Variants in SERHL2 observed in about 807,000 individuals in gnomAD.
The protein encoded by SERHL2 is serine hydrolase like 2, also known as serine hydrolase-like protein 2.
SERHL2 carries 29 observed loss-of-function variants against 25.5 expected under a neutral mutation model. The ratio of observed to expected loss-of-function variants is 1.14; its 90% confidence interval spans 0.85 to 1.55. The LOEUF is 1.55. Among genes scored for constraint, SERHL2 ranks in the 40% most tolerant of loss-of-function variants. The pLI, the probability that SERHL2 is intolerant of heterozygous loss-of-function variation, is 0.00. For synonymous variants in SERHL2, 95 were observed against 103.5 expected, an observed-to-expected ratio of 0.92 and a Z score of 0.50; for missense variants, 240 against 252.3, an observed-to-expected ratio of 0.95 and a Z score of 0.33.
intron 8 of SERHL2, among the ~76,000 whole-genome samples, chr22:42,565,516 A>G (rs899881194): frequency 6.6e-6 from 1 of 151,780 alleles, no homozygotes; most frequent in Non-Finnish European, 1.5e-5. Context: ...AGTAGAGACC[A>G]GGTTTAACCA....
chr22:42,571,449 G>C (rs529897170), intron 10 of SERHL2: 6 of 1,033,698 alleles, frequency 5.8e-6, no homozygotes, highest in Non-Finnish European at 7.6e-6. Context: ...AGGTGTCAGC[G>C]GGGGGCATGC....
chr22:42,567,849 G>T (rs995094799), intron 9 of SERHL2, among the ~76,000 whole-genome samples: 3 of 151,284 alleles, frequency 2.0e-5, no homozygotes, highest in African/African-American at 4.8e-5. Context: ...TCCTGTCTCA[G>T]CCCCCAAGTA....
chr22:42,559,628 A>G (rs1347450710), intron 7 of SERHL2, among the ~76,000 whole-genome samples: 1 of 151,706 alleles, frequency 6.6e-6, no homozygotes, highest in Admixed American at 6.6e-5. Flanking sequence ...GATGTAACGA[A>G]GAATGGCATG....
At chr22:42,569,820 T>G (rs1238201191) in intron 9 of SERHL2, 3 of 149,246 alleles carry the variant, frequency 2.0e-5, no homozygotes, top group Non-Finnish European at 4.4e-5. Flanking sequence ...TTCACTGGTG[T>G]GTGTGTGTTC....
At position 42,572,564 on chromosome 22, in the gene SERHL2, C is replaced by A. The variant is rs770851511; in HGVS notation, c.825+35C>A. 5 of 1,607,292 alleles carry A rather than the reference C, an allele frequency of 3.1e-6. No individual in the cohort carries two copies. The African/African-American group carries it at 6.7e-5, about 21-fold the overall frequency. The stretch of plus-strand genomic sequence containing the variant: ...GGCTCAGGCAGCTGGTGTCCAGCCA[C>A]TGTCGCCCACTCTGGTCCCACCTCA... On this transcript the variant is annotated intron_variant, in intron 11 of 11. Coordinates refer to ENST00000327678, the MANE Select transcript of SERHL2 (RefSeq NM_014509.5).
At chr22:42,571,780 TG>T (rs1924233105) in intron 10 of SERHL2, 1 of 157,328 alleles carries the variant, frequency 6.4e-6, no homozygotes, top group South Asian at 1.9e-4. Context: ...GGCTCCAGCA[TG>T]GATGAGCCTT....
intron 8 of SERHL2, among the ~76,000 whole-genome samples, chr22:42,563,780 T>C (rs1922994978): frequency 6.6e-6 from 1 of 151,808 alleles, no homozygotes; most frequent in African/African-American, 2.4e-5. Flanking sequence ...TATGTAAAAA[T>C]ACAGATTTCT....
At chr22:42,573,754 C>A (rs1048756178) in intron 11 of SERHL2, 182 bp from the exon 12 acceptor site, 14 of 698,912 alleles carry the variant, frequency 2.0e-5, no homozygotes, top group Non-Finnish European at 3.3e-5. Context: ...GGGTTAGACA[C>A]CTCCTGGGGT....
At chr22:42,571,844 T>G (rs6002799) in intron 10 of SERHL2, 6,069 of 151,438 alleles carry the variant, frequency 0.04, 378 homozygotes, top group African/African-American at 0.14. Flanking sequence ...ACGTGTTGTA[T>G]GGCTGCATTC....
chr22:42,562,578 A>G (rs1159947260), intron 8 of SERHL2, among the ~76,000 whole-genome samples: 1 of 151,450 alleles, frequency 6.6e-6, no homozygotes, highest in African/African-American at 2.4e-5. Context: ...GCATTGTTGG[A>G]GAGGCTGCAG....
chr22:42,572,631 C>G, intron 11 of SERHL2, 102 bp downstream of exon 11: 1 of 1,491,908 alleles, frequency 6.7e-7, no homozygotes. Context: ...GGGTCTGCCC[C>G]CAGGCCCAAC....
rs188302851 is a variant in SERHL2 at position 42,573,013 on chromosome 22, G to A, written c.825+484G>A. Among the ~76,000 whole-genome samples the A allele has an allele frequency of 4.5e-4, 68 of 151,756 alleles. 1 individual carries two copies. Among genetic ancestry groups the A allele is most frequent in the Non-Finnish European group, 8.5e-4 (58 of 67,886 alleles). Reference sequence around the variant, plus strand: ...GCTCCCAAACCACAGCAGAATACCCGACTGCCTCATCCCTCTGCACCCATC... The same window carrying A: ...GCTCCCAAACCACAGCAGAATACCCAACTGCCTCATCCCTCTGCACCCATC... On this transcript the variant is annotated intron_variant, in intron 11 of 11. Coordinates refer to ENST00000327678, the MANE Select transcript of SERHL2 (RefSeq NM_014509.5).
At chr22:42,573,403 C>A (rs1489699515) in intron 11 of SERHL2, 4 of 152,812 alleles carry the variant, frequency 2.6e-5, no homozygotes, top group Non-Finnish European at 4.4e-5. Flanking sequence ...GCCACCACGC[C>A]CGGCTAATTT....
At chr22:42,568,273 TCA>T (rs769977772) in intron 9 of SERHL2, among the ~76,000 whole-genome samples, 151 of 151,388 alleles carry the variant, frequency 1.0e-3, no homozygotes, top group Non-Finnish European at 1.2e-3. Flanking sequence ...TCCTCCCGCC[TCA>T]GTTTCCCAAA....
chr22:42,560,530 A>G (rs555149447), intron 8 of SERHL2, among the ~76,000 whole-genome samples: 6 of 151,730 alleles, frequency 4.0e-5, no homozygotes, highest in Non-Finnish European at 7.4e-5. Flanking sequence ...CTTGGACTAA[A>G]TGTTGGTGAA....
chr22:42,563,676 C>A (rs1256360445), intron 8 of SERHL2, among the ~76,000 whole-genome samples: 1 of 151,832 alleles, frequency 6.6e-6, no homozygotes, highest in East Asian at 1.9e-4. Flanking sequence ...GAATAGATTG[C>A]CCACATTTTA....
intron 8 of SERHL2, among the ~76,000 whole-genome samples, chr22:42,564,174 G>C (rs183504086): frequency 2.0e-5 from 3 of 151,800 alleles, no homozygotes; most frequent in South Asian, 4.2e-4. Flanking sequence ...TTTGGGTCTA[G>C]CACTAGCATT....
intron 8 of SERHL2, among the ~76,000 whole-genome samples, chr22:42,562,026 G>A (rs1197608520): frequency 1.3e-5 from 2 of 151,804 alleles, no homozygotes; most frequent in African/African-American, 4.8e-5. Flanking sequence ...TGTCAGGGGG[G>A]TGAGGGAACA....
intron 8 of SERHL2, among the ~76,000 whole-genome samples, chr22:42,562,406 G>T (rs2146694035): frequency 6.6e-6 from 1 of 151,956 alleles, no homozygotes; most frequent in Admixed American, 6.5e-5. Context: ...CCTCGGCAGG[G>T]CTGGTTCCTT....
Sources: gnomAD v4.1 joint callset for allele counts (sites outside exome capture counted in the v4.1 genomes callset) on GRCh38, gnomAD v4.1.1 for gene constraint, MANE v1.5 for transcripts, NCBI Gene and HGNC (gene_info 2026-07-23, HGNC 2026-07-21) for gene names.